Variants in KIAA1217 observed in about 807,000 individuals in gnomAD.
KIAA1217 encodes the protein sickle tail protein homolog.
Under a neutral mutation model 163.9 loss-of-function variants are expected in KIAA1217, and 88 were observed. The observed-to-expected ratio is 0.54, with a 90% CI of 0.45 to 0.64. The LOEUF is 0.64. Ranked by LOEUF, KIAA1217 falls within the 30% of genes least tolerant of loss-of-function variation. KIAA1217 has a pLI of 0.00. For synonymous variants in KIAA1217, 903 were observed against 923.1 expected, an observed-to-expected ratio of 0.98 and a Z score of 0.39; for missense variants, 2,372 against 2,475.0, an observed-to-expected ratio of 0.96 and a Z score of 0.88.
At chr10:24,252,397 G>T (rs969503) in intron 2 of KIAA1217, among the ~76,000 whole-genome samples, 109,743 of 151,694 alleles carry the variant, frequency 0.72, 39,916 homozygotes, top group Admixed American at 0.79. Context: ...GGGCAACATT[G>T]TGAGAGCCTG....
At chr10:23,872,275 TC>T (rs1458850936) in intron 1 of KIAA1217, among the ~76,000 whole-genome samples, 1 of 149,822 alleles carries the variant, frequency 6.7e-6, no homozygotes, top group Admixed American at 6.7e-5. Flanking sequence ...GTAGAATGAA[TC>T]TGGGTAGGAC....
chr10:23,876,490 T>C (rs1281919629), intron 1 of KIAA1217, among the ~76,000 whole-genome samples: 1 of 149,294 alleles, frequency 6.7e-6, no homozygotes, highest in African/African-American at 2.5e-5. Context: ...AAATAAAAAA[T>C]GGAAAACAAA....
At chr10:23,908,716 C>T (rs2131263950) in intron 1 of KIAA1217, among the ~76,000 whole-genome samples, 1 of 152,182 alleles carries the variant, frequency 6.6e-6, no homozygotes, top group East Asian at 1.9e-4. Context: ...CTTACTCCTG[C>T]AAGAATGGCC....
At chr10:24,056,447 T>C (rs573117731) in intron 2 of KIAA1217, among the ~76,000 whole-genome samples, 4 of 151,880 alleles carry the variant, frequency 2.6e-5, no homozygotes, top group African/African-American at 7.2e-5. Flanking sequence ...CGAGTCTGGG[T>C]GGAGAAGAAT....
chr10:23,952,435 C>T (rs1001981707), intron 1 of KIAA1217, among the ~76,000 whole-genome samples: 4 of 152,144 alleles, frequency 2.6e-5, no homozygotes, highest in African/African-American at 9.7e-5. Flanking sequence ...TCTTTGAAAA[C>T]ATGGGGGGCT....
At chr10:24,536,000 T>G (rs1235481755) in intron 16 of KIAA1217, among the ~76,000 whole-genome samples, 6 of 152,184 alleles carry the variant, frequency 3.9e-5, no homozygotes, top group Non-Finnish European at 8.8e-5. Flanking sequence ...CTTGGGTCCC[T>G]GAGTTACCAG....
intron 1 of KIAA1217, among the ~76,000 whole-genome samples, chr10:23,957,357 C>T (rs1419206761): frequency 6.6e-6 from 1 of 152,162 alleles, no homozygotes; most frequent in Non-Finnish European, 1.5e-5. Context: ...CACAACTTTT[C>T]ACCCTGACTT....
chr10:23,810,761 A>G (rs1836978720), intron 1 of KIAA1217, among the ~76,000 whole-genome samples: 1 of 126,292 alleles, frequency 7.9e-6, no homozygotes, highest in Non-Finnish European at 1.6e-5. Flanking sequence ...ATATAGTATT[A>G]TATAACTATA....
At chr10:24,494,661 T>TTCATTCATATCA in intron 7 of KIAA1217, 57 bp downstream of exon 7, 2 of 1,148,816 alleles carry the variant, frequency 1.7e-6, no homozygotes, top group Non-Finnish European at 2.6e-6. Context: ...CTTTTAATCA[T>TTCATTCATATCA]TAAGATAATT....
intron 1 of KIAA1217, among the ~76,000 whole-genome samples, chr10:23,804,728 A>C (rs1054553777): frequency 1.3e-5 from 2 of 152,190 alleles, no homozygotes; most frequent in African/African-American, 4.8e-5. Flanking sequence ...TATTTATGGC[A>C]TATGTCAATG....
intron 1 of KIAA1217, among the ~76,000 whole-genome samples, chr10:23,797,472 C>G (rs905828909): frequency 2.6e-5 from 4 of 152,106 alleles, no homozygotes; most frequent in Non-Finnish European, 4.4e-5. Flanking sequence ...TTAGCCTGTT[C>G]TCACACTGCT....
intron 2 of KIAA1217, among the ~76,000 whole-genome samples, chr10:24,269,267 A>C (rs2076552685): frequency 6.6e-6 from 1 of 151,690 alleles, no homozygotes; most frequent in African/African-American, 2.4e-5. Context: ...TCACACTTGT[A>C]ATCTCAACAG....
intron 8 of KIAA1217, among the ~76,000 whole-genome samples, chr10:24,499,655 C>G (rs868205697): frequency 6.6e-5 from 10 of 152,214 alleles, no homozygotes; most frequent in Non-Finnish European, 8.8e-5. Context: ...TCGCTTGCAC[C>G]CAGGAGGCAG....
At chr10:23,796,369 T>C (rs1836204420) in intron 1 of KIAA1217, among the ~76,000 whole-genome samples, 1 of 151,986 alleles carries the variant, frequency 6.6e-6, no homozygotes, top group South Asian at 2.1e-4. Context: ...ATTTATTTAT[T>C]TATTTTTTAA....
intron 1 of KIAA1217, among the ~76,000 whole-genome samples, chr10:23,827,468 G>A (rs189064189): frequency 1.6e-4 from 25 of 152,232 alleles, no homozygotes; most frequent in African/African-American, 4.3e-4. Flanking sequence ...CTCAATAAAC[G>A]TTTGTTTGTG....
chr10:24,071,081 G>A (rs1051555720), intron 2 of KIAA1217, among the ~76,000 whole-genome samples: 3 of 152,086 alleles, frequency 2.0e-5, no homozygotes, highest in Admixed American at 6.6e-5. Flanking sequence ...GAACATTGTG[G>A]CATCATCAAG....
chr10:24,233,411 C>T (rs1247699454), intron 2 of KIAA1217, among the ~76,000 whole-genome samples: 1 of 152,188 alleles, frequency 6.6e-6, no homozygotes, highest in African/African-American at 2.4e-5. Context: ...TAGGCCCCTT[C>T]AACTTTGGGG....
At chr10:24,056,462 G>C (rs1216399202) in intron 2 of KIAA1217, among the ~76,000 whole-genome samples, 1 of 151,948 alleles carries the variant, frequency 6.6e-6, no homozygotes, top group Non-Finnish European at 1.5e-5. Context: ...AAGAATAAAA[G>C]AAAGGACTGT....
intron 1 of KIAA1217, among the ~76,000 whole-genome samples, chr10:23,895,415 C>G (rs1342010236): frequency 1.5e-4 from 23 of 152,148 alleles, no homozygotes; most frequent in South Asian, 1.2e-3. Context: ...CTGGCCATCA[C>G]AGAAATGCAA....
Sources: allele counts gnomAD v4.1 joint callset (sites outside exome capture counted in the v4.1 genomes callset), GRCh38; gene constraint gnomAD v4.1.1; transcripts MANE v1.5; gene names NCBI Gene and HGNC (gene_info 2026-07-23, HGNC 2026-07-21).